The following RACGAP1 variants were observed in gnomAD, a reference collection of about 807,000 sequenced individuals.
The protein encoded by RACGAP1 is rac GTPase-activating protein 1.
Under a neutral mutation model 78.1 loss-of-function variants are expected in RACGAP1, and 30 were observed. The ratio of observed to expected loss-of-function variants is 0.38; its 90% CI spans 0.29 to 0.52. The LOEUF (loss-of-function observed/expected upper bound fraction) is 0.52, where lower values mean the gene tolerates loss of function less well. Ranked by LOEUF, RACGAP1 falls within the 20% of genes least tolerant of loss-of-function variation. The pLI, the probability that RACGAP1 is intolerant of heterozygous loss-of-function variation, is 0.82. For missense variants in RACGAP1, 587 were observed against 777.1 expected, an observed-to-expected ratio of 0.76 and a Z score of 2.91; for synonymous variants, 231 against 264.8, an observed-to-expected ratio of 0.87 and a Z score of 1.24.
Position 50,016,703 on chromosome 12 carries a change from T to G in RACGAP1, c.13A>C (p.Met5Leu). 1 of 1,613,892 alleles carries G rather than the reference T, an allele frequency of 6.2e-7. No individual in the cohort carries two copies. The highest frequency in any genetic ancestry group is 8.5e-7 in the Non-Finnish European group (1 of 1,180,024). The change falls in exon 2 of 17, where the codon ATG becomes CTG. Residue 5 changes from methionine (M) to leucine (L), a missense_variant. Physicochemically the swap from Met to Leu is conservative, Grantham distance 15. Coordinates refer to ENST00000312377, the MANE Select transcript of RACGAP1 (RefSeq NM_001319999.2). ...TCAAACAGATTCCGCACATTCAGCA[T>G]CATAGTATCCATCTTTCTGCCAAGA... MDTM[M>L]LNVRNLFEQL...
At chr12:50,004,719 A>G (rs1948872100) in intron 4 of RACGAP1, among the ~76,000 whole-genome samples, 1 of 152,246 alleles carries the variant, frequency 6.6e-6, no homozygotes, top group Non-Finnish European at 1.5e-5. Flanking sequence ...AAGCCTGTAC[A>G]TCTTCTTAGT....
intron 10 of RACGAP1, among the ~76,000 whole-genome samples, chr12:49,995,642 C>G (rs1803382946): frequency 6.6e-6 from 1 of 152,068 alleles, no homozygotes; most frequent in African/African-American, 2.4e-5. Flanking sequence ...CAGGCGCACA[C>G]CACTAACCTG....
chr12:50,002,328 C>CT (rs746589125), intron 5 of RACGAP1, 28 bp from the exon 6 acceptor site: 17 of 1,602,112 alleles, frequency 1.1e-5, no homozygotes, highest in Non-Finnish European at 1.4e-5. Flanking sequence ...GTATTAATTT[C>CT]TTTTTTTGGT....
chr12:50,013,581 G>C (rs1949481283), intron 2 of RACGAP1, among the ~76,000 whole-genome samples: 1 of 152,148 alleles, frequency 6.6e-6, no homozygotes, highest in Admixed American at 6.6e-5. Flanking sequence ...CAGTGTACCA[G>C]CATCCACCTC....
chr12:50,001,248 G>T lies in RACGAP1; in HGVS notation c.554C>A (p.Ser185Tyr). The T allele has an allele frequency of 6.2e-7, 1 of 1,607,804 alleles. No homozygotes were observed. Among genetic ancestry groups the T allele is most frequent in the South Asian group, 1.1e-5 (1 of 90,930 alleles). ...ACCATCAACAAACTGTCGGCTAGTA[G>T]AGCGCTAGAAAGGAGACAAAGACCC... The part of the protein sequence containing the change: ...FKLKKREKRR[S>Y]TSRQFVDGPP... Residue 185 changes from serine (S) to tyrosine (Y), a missense_variant, in exon 7 of 17, where the codon TCT becomes TAT. Coordinates refer to ENST00000312377, the MANE Select transcript of RACGAP1 (RefSeq NM_001319999.2).
upstream of RACGAP1, among the ~76,000 whole-genome samples, chr12:50,028,252 G>A (rs1950298391): frequency 6.6e-6 from 1 of 152,208 alleles, no homozygotes; most frequent in South Asian, 2.1e-4. Flanking sequence ...TTAAATGATT[G>A]GACCTCAGGG....
Position 49,990,801 on chromosome 12 carries a change from T to G in RACGAP1, c.1715-9A>C. ...AGGTCCCAGTAAACTCACTTCAAAG[T>G]TCAGACATATTTTTAAGAGAGGTGG... On this transcript the variant is annotated splice_polypyrimidine_tract_variant and intron_variant, in intron 15 of 16. Transcript: ENST00000312377. 6.2e-7 allele frequency: 1 copy of G among 1,600,766 alleles called. No individual in the cohort carries two copies. Among genetic ancestry groups the G allele is most frequent in the Non-Finnish European group, 8.6e-7 (1 of 1,169,130 alleles).
intron 2 of RACGAP1, 141 bp from the exon 3 acceptor site, chr12:50,006,777 C>T (rs1296294341): frequency 1.2e-6 from 1 of 837,610 alleles, no homozygotes; most frequent in Non-Finnish European, 1.9e-6. Context: ...CTGAAAATAA[C>T]TAGGAGCAGA....
chr12:50,002,386 A>G, intron 5 of RACGAP1, 86 bp from the exon 6 acceptor site: 1 of 1,152,240 alleles, frequency 8.7e-7, no homozygotes. Flanking sequence ...AGAACTTTAA[A>G]GGCTTCTTCA....
intron 1 of RACGAP1, chr12:50,017,036 T>C (rs755493758): frequency 2.9e-5 from 31 of 1,084,022 alleles, no homozygotes; most frequent in South Asian, 4.0e-5. Context: ...CAAGAAAATG[T>C]GGTTCTTCAA....
chr12:50,027,228 C>T (rs12318773), upstream of RACGAP1, among the ~76,000 whole-genome samples: 8,037 of 152,226 alleles, frequency 0.053, 727 homozygotes, highest in African/African-American at 0.18. Context: ...TTTGTTATCC[C>T]ATTTAATCCT....
intron 1 of RACGAP1, chr12:50,018,491 A>G (rs1415268163): frequency 8.1e-7 from 1 of 1,239,512 alleles, no homozygotes; most frequent in Non-Finnish European, 1.1e-6. Context: ...CATGGATTTA[A>G]CATATAATGA....
intron 1 of RACGAP1, among the ~76,000 whole-genome samples, chr12:50,022,875 C>A (rs1950083858): frequency 1.3e-5 from 2 of 152,190 alleles, no homozygotes; most frequent in South Asian, 4.1e-4. Flanking sequence ...CACTCTCTCA[C>A]CTCAAATATC....
At chr12:49,998,033 GTAAC>G (rs2137319723) in intron 9 of RACGAP1, among the ~76,000 whole-genome samples, 1 of 152,322 alleles carries the variant, frequency 6.6e-6, no homozygotes, top group South Asian at 2.1e-4. Context: ...GAGAGTTTAA[GTAAC>G]TTGTTTAAGG....
At chr12:49,993,125 A>G (rs1032511166) in intron 12 of RACGAP1, among the ~76,000 whole-genome samples, 1 of 152,240 alleles carries the variant, frequency 6.6e-6, no homozygotes, top group African/African-American at 2.4e-5. Flanking sequence ...GCAGGCAAGA[A>G]GCTAGAAAGA....
chr12:49,993,702 G>A (rs936341025), intron 12 of RACGAP1, among the ~76,000 whole-genome samples: 2 of 146,890 alleles, frequency 1.4e-5, no homozygotes, highest in Non-Finnish European at 3.0e-5. Flanking sequence ...TGAGCCGATA[G>A]CGCCACTGCA....
At chr12:50,015,048 A>AAG (rs1184232513) in intron 2 of RACGAP1, among the ~76,000 whole-genome samples, 1 of 150,578 alleles carries the variant, frequency 6.6e-6, no homozygotes, top group East Asian at 2.0e-4. Flanking sequence ...GTCTCAAAAA[A>AAG]AAAAAAAAAA....
At position 50,006,493 on chromosome 12, in the gene RACGAP1, T is replaced by G. The variant is rs1323165148; in HGVS notation, c.229A>C (p.Asn77His). Reference sequence around the variant, plus strand: ...CGTTTGATCTCTACATCCACCTGATTACGTGCATGCTTCAGCTTAACATCC... The same window carrying G: ...CGTTTGATCTCTACATCCACCTGATGACGTGCATGCTTCAGCTTAACATCC... The part of the protein sequence containing the change: ...ALDVKLKHAR[N>H]QVDVEIKRRQ... The change falls in exon 3 of 17, where the codon AAT becomes CAT. Residue 77 changes from asparagine (N) to histidine (H), a missense_variant. Physicochemically the swap from Asn to His is moderately conservative, Grantham distance 68. Coordinates refer to ENST00000312377, the MANE Select transcript of RACGAP1 (RefSeq NM_001319999.2). The G allele has an allele frequency of 2.5e-6, 4 of 1,614,074 alleles. No homozygotes were observed. The highest frequency in any genetic ancestry group is 3.3e-5 in the Admixed American group (2 of 59,998).
chr12:50,013,542 T>C (rs1054097046), intron 2 of RACGAP1, among the ~76,000 whole-genome samples: 1 of 152,222 alleles, frequency 6.6e-6, no homozygotes, highest in Non-Finnish European at 1.5e-5. Flanking sequence ...GCCTCTTTCC[T>C]GAGCTATGAC....
Sources: gnomAD v4.1 joint callset for allele counts (sites outside exome capture counted in the v4.1 genomes callset) on GRCh38, gnomAD v4.1.1 for gene constraint, MANE v1.5 for transcripts, NCBI Gene and HGNC (gene_info 2026-07-23, HGNC 2026-07-21) for gene names.